The following KCTD16 variants were observed in gnomAD, a reference collection of about 807,000 sequenced individuals.
KCTD16 encodes potassium channel tetramerization domain containing 16.
KCTD16 carries 13 observed loss-of-function variants against 33.2 expected under a neutral mutation model. That is an observed-to-expected ratio of 0.39 (90% CI 0.25 to 0.62). The LOEUF is 0.62. KCTD16 is among the 20% of genes least tolerant of loss of function. The pLI is 0.50. For synonymous variants in KCTD16, 197 were observed against 195.3 expected, an observed-to-expected ratio of 1.01 and a Z score of -0.07; for missense variants, 441 against 525.1, an observed-to-expected ratio of 0.84 and a Z score of 1.57.
chr5:144,250,402 G>A (rs1181909647), intron 3 of KCTD16, among the ~76,000 whole-genome samples: 1 of 152,186 alleles, frequency 6.6e-6, no homozygotes, highest in Non-Finnish European at 1.5e-5. Flanking sequence ...AGTATGGGGA[G>A]GGAAGTGGGG....
rs567755244 is a variant in KCTD16 at position 144,278,744 on chromosome 5, G to A, written c.832+71198G>A. On this transcript the variant is annotated intron_variant, in intron 3 of 3. Coordinates refer to ENST00000512467, the MANE Select transcript of KCTD16 (RefSeq NM_020768.4). ...GATCTCCTGACCTCATGATCCACCC[G>A]CCTCGGCCTCCCTAAGTGCTGGGAT... Among the ~76,000 whole-genome samples the A allele has an allele frequency of 2.6e-4, 40 of 151,922 alleles. No homozygotes were observed. The East Asian group carries it at 4.5e-3, about 17-fold the overall frequency.
chr5:144,423,352 A>G (rs1319520366), intron 3 of KCTD16, among the ~76,000 whole-genome samples: 1 of 152,150 alleles, frequency 6.6e-6, no homozygotes, highest in African/African-American at 2.4e-5. Flanking sequence ...TCTGGCTACT[A>G]TGTGTAGAAT....
chr5:144,445,891 A>G (rs894911535), intron 3 of KCTD16, among the ~76,000 whole-genome samples: 1 of 151,864 alleles, frequency 6.6e-6, no homozygotes, highest in Admixed American at 6.6e-5. Context: ...CAATCCTTCC[A>G]GTCTAGTTTA....
intron 2 of KCTD16, among the ~76,000 whole-genome samples, chr5:144,186,492 T>G (rs1273714916): frequency 6.6e-6 from 1 of 152,194 alleles, no homozygotes; most frequent in Non-Finnish European, 1.5e-5. Context: ...GCATTTATTT[T>G]ATTTATATGT....
chr5:144,176,387 C>CTTTTTTT (rs368578231), intron 2 of KCTD16, among the ~76,000 whole-genome samples: 2 of 106,660 alleles, frequency 1.9e-5, no homozygotes, highest in Non-Finnish European at 3.9e-5. Flanking sequence ...TATAGTGTTT[C>CTTTTTTT]TTTTTTTTTT....
chr5:144,412,612 G>A (rs1752956684), intron 3 of KCTD16, among the ~76,000 whole-genome samples: 1 of 152,132 alleles, frequency 6.6e-6, no homozygotes, highest in African/African-American at 2.4e-5. Flanking sequence ...TCAGCTGGAT[G>A]CGGTGGCTCA....
chr5:144,232,172 C>T (rs1326029748), intron 3 of KCTD16, among the ~76,000 whole-genome samples: 1 of 152,150 alleles, frequency 6.6e-6, no homozygotes, highest in African/African-American at 2.4e-5. Flanking sequence ...GAACAAAGAA[C>T]TATTCTCAAG....
chr5:144,326,584 T>C (rs1752213443), intron 3 of KCTD16, among the ~76,000 whole-genome samples: 2 of 152,064 alleles, frequency 1.3e-5, no homozygotes, highest in Non-Finnish European at 2.9e-5. Flanking sequence ...TCATTTCTTC[T>C]CATTTCAATA....
At chr5:144,437,616 C>A (rs1056749927) in intron 3 of KCTD16, among the ~76,000 whole-genome samples, 3 of 152,164 alleles carry the variant, frequency 2.0e-5, no homozygotes, top group African/African-American at 7.2e-5. Context: ...GATAGCCAAA[C>A]ACAAACACAA....
rs544034373 is a variant in KCTD16, at chr5:144,437,781, G to T, written c.833-35879G>T. 5.9e-5 allele frequency among the ~76,000 whole-genome samples: 9 copies of T among 152,120 alleles called. No individual in the cohort carries two copies. The East Asian group carries it at 1.7e-3, about 29-fold the overall frequency. On this transcript the variant is annotated intron_variant, in intron 3 of 3. Transcript: ENST00000512467. ...ATTTTCTTTACCTATAAAATGAGAG[G>T]GTTGACCACACGACTTTTAATGTAC...
At chr5:144,327,344 G>T (rs757157904) in intron 3 of KCTD16, among the ~76,000 whole-genome samples, 3 of 151,678 alleles carry the variant, frequency 2.0e-5, no homozygotes, top group Non-Finnish European at 2.9e-5. Context: ...GAATAGCTTT[G>T]TGCCTTCCTG....
intron 3 of KCTD16, among the ~76,000 whole-genome samples, chr5:144,270,063 A>G (rs1390752492): frequency 2.6e-5 from 4 of 152,050 alleles, no homozygotes; most frequent in Non-Finnish European, 5.9e-5. Flanking sequence ...ACAGTAATGC[A>G]GAAAATGAGG....
At position 144,465,786 on chromosome 5, in the gene KCTD16, G is replaced by GT. The variant is rs1167925399; in HGVS notation, c.833-7859dup. Among the ~76,000 whole-genome samples, 409 of 131,794 alleles carry GT rather than the reference G, an allele frequency of 3.1e-3. 3 individuals carry two copies. The highest frequency in any genetic ancestry group is 4.5e-3 in the South Asian group (19 of 4,258). The allele number at this position is 131,794 out of a possible 152,430, so 86.5% of individuals were successfully genotyped here. A position where few individuals can be genotyped will look rare whatever the true frequency, so the allele number is the denominator to read the frequency against. On this transcript the variant is annotated intron_variant, in intron 3 of 3. Coordinates refer to ENST00000512467, the MANE Select transcript of KCTD16 (RefSeq NM_020768.4). ...CAATTGCTCCAAATTTAACTTTTTTGTTTTTTTTTTTTTTTGCCAGGAGGA... is the reference window on the plus strand; with the variant it reads ...CAATTGCTCCAAATTTAACTTTTTTGTTTTTTTTTTTTTTTTGCCAGGAGGA...
rs146638360 is a variant in KCTD16, at chr5:144,304,977, C to CT, written c.832+97455dup. On this transcript the variant is annotated intron_variant, in intron 3 of 3. Transcript: ENST00000512467. ...TCGAAGCCACTGAGAATATCAAAAT[C>CT]TTTTTTTTTTTTTTTTTTTTTTTTC... Among the ~76,000 whole-genome samples, 321 of 83,366 alleles carry CT rather than the reference C, an allele frequency of 3.9e-3. 2 individuals are homozygous for CT. Among genetic ancestry groups the CT allele is most frequent in the East Asian group, 4.5e-3 (10 of 2,242 alleles). The allele number at this position is 83,366 out of a possible 152,430, so 54.7% of individuals were successfully genotyped here.
chr5:144,238,002 A>G (rs1754300001), intron 3 of KCTD16, among the ~76,000 whole-genome samples: 1 of 152,182 alleles, frequency 6.6e-6, no homozygotes, highest in Non-Finnish European at 1.5e-5. Context: ...AGCATCAGAC[A>G]CTATTACTAG....
rs1580998139 is a variant in KCTD16, at chr5:144,483,193, G to A, written c.*9079G>A. ...AACCCAAAACACTACCAAATGAACA[G>A]TGATAATGTTTAAGAAGAAAAAGAA... On this transcript the variant is annotated 3_prime_UTR_variant, in exon 4 of 4. Transcript: ENST00000512467. 2.7e-5 allele frequency: 4 copies of A among 147,098 alleles called. No individual in the cohort carries two copies. In the East Asian group the frequency reaches 8.0e-4, roughly 29 times the overall value. 9.1% of individuals were successfully genotyped at this position (147,098 alleles called of 1,614,324 possible). A position where few individuals can be genotyped will look rare whatever the true frequency, so the allele number is the denominator to read the frequency against.
Position 144,481,213 on chromosome 5 carries a change from T to C in KCTD16, c.*7099T>C, listed in dbSNP as rs1177826215. The C allele has an allele frequency of 2.6e-5, 4 of 151,976 alleles. No individual in the cohort carries two copies. The highest frequency in any genetic ancestry group is 9.7e-5 in the African/African-American group (4 of 41,420). 9.4% of individuals were successfully genotyped at this position (151,976 alleles called of 1,614,324 possible). ...ATCCTTTTCAGTTTACATGATCCTG[T>C]TAAAGATGTTTCCCAAGCTGATCAA... is the stretch of plus-strand genomic sequence containing the variant. On this transcript the variant is annotated 3_prime_UTR_variant, in exon 4 of 4. Transcript: ENST00000512467.
At chr5:144,182,796 G>A (rs993951788) in intron 2 of KCTD16, among the ~76,000 whole-genome samples, 9 of 151,972 alleles carry the variant, frequency 5.9e-5, no homozygotes, top group Non-Finnish European at 8.8e-5. Context: ...GACAGAGACA[G>A]GTTAAAGAAA....
intron 3 of KCTD16, among the ~76,000 whole-genome samples, chr5:144,428,355 T>A (rs1419251929): frequency 1.3e-5 from 2 of 152,180 alleles, no homozygotes; most frequent in African/African-American, 4.8e-5. Context: ...TTACAAGGCA[T>A]TTGTCATTTT....
Sources: allele counts gnomAD v4.1 joint callset (sites outside exome capture counted in the v4.1 genomes callset), GRCh38; gene constraint gnomAD v4.1.1; transcripts MANE v1.5; gene names NCBI Gene and HGNC (gene_info 2026-07-23, HGNC 2026-07-21).